The following MYO1F variants were observed in gnomAD, a reference collection of about 807,000 sequenced individuals.
MYO1F encodes myosin IF.
MYO1F carries 60 observed loss-of-function variants against 146.6 expected under a neutral mutation model. The ratio of observed to expected loss-of-function variants is 0.41; its 90% CI spans 0.33 to 0.51. The LOEUF (loss-of-function observed/expected upper bound fraction) is 0.51. Among genes scored for constraint, MYO1F ranks in the 20% least tolerant of loss-of-function variants. The pLI is 0.25. For missense variants in MYO1F, 1,274 were observed against 1,534.3 expected (o/e 0.83, Z 2.83); for synonymous variants, 602 against 602.1 (o/e 1.00, Z 0.00).
At chr19:8,558,667 G>C (rs185830859) in intron 1 of MYO1F, among the ~76,000 whole-genome samples, 116 of 152,208 alleles carry the variant, frequency 7.6e-4, no homozygotes, top group African/African-American at 2.6e-3. Flanking sequence ...AGATAGGAGT[G>C]ATGGCAACTT....
At chr19:8,551,567 G>A (rs1261506627) in intron 8 of MYO1F, 173 bp downstream of exon 8, 2 of 894,794 alleles carry the variant, frequency 2.2e-6, no homozygotes, top group African/African-American at 1.7e-5. Flanking sequence ...GGCCAGGCCG[G>A]TCTTAAACTC....
Position 8,521,199 on chromosome 19 carries a change from TG to T in MYO1F, c.*328del, listed in dbSNP as rs758259822. ...GGACCCCCCCCTCCCCAACTGTGCC[TG>T]GCACTTTGCCAACAGCACAGGACTC... On this transcript the variant is annotated 3_prime_UTR_variant, in exon 28 of 28. Transcript: ENST00000644032. The T allele has an allele frequency of 5.6e-5, 23 of 410,540 alleles. No homozygotes were observed. Among genetic ancestry groups the T allele is most frequent in the Non-Finnish European group, 9.7e-5 (21 of 217,004 alleles). 25.4% of individuals were successfully genotyped at this position (410,540 alleles called of 1,614,324 possible).
chr19:8,540,994 TTTTTTTCCCC>T (rs1972939070), intron 15 of MYO1F, among the ~76,000 whole-genome samples: 1 of 151,828 alleles, frequency 6.6e-6, no homozygotes, highest in Admixed American at 6.6e-5. Flanking sequence ...GGTTCTGCCT[TTTTTTTCCCC>T]TCAGAGATAA....
intron 19 of MYO1F, among the ~76,000 whole-genome samples, 183 bp downstream of exon 19, chr19:8,536,069 C>T (rs1357797225): frequency 6.6e-6 from 1 of 152,094 alleles, no homozygotes; most frequent in African/African-American, 2.4e-5. Flanking sequence ...CAATTTCTCT[C>T]TCAACCTCTA....
Position 8,522,763 on chromosome 19 carries a change from C to T in MYO1F, c.2921G>A (p.Gly974Glu), listed in dbSNP as rs1349342368. 1.2e-6 allele frequency: 2 copies of T among 1,609,904 alleles called. No homozygotes were observed. The highest frequency in any genetic ancestry group is 1.1e-5 in the South Asian group (1 of 90,614). ...GGPLPLEIMSGGGTHRPPRGP... is the reference protein window; with the variant it reads ...GGPLPLEIMSEGGTHRPPRGP... ...CCGGGGAGGCCTGTGGGTGCCCCCT[C>T]CAGACATGATCTCCAGGGGCAGGGG... The change falls in exon 26 of 28, where the codon GGA (glycine) becomes GAA (glutamate). Residue 974 changes from glycine (G) to glutamate (E), a missense_variant. Around this residue, in one of 2 missense-constraint regions of MYO1F, gnomAD observed 374 missense variants for 379.2 expected, o/e 0.99. Transcript: ENST00000644032.
chr19:8,554,357 CAG>C (rs1415440746), intron 4 of MYO1F, 118 bp downstream of exon 4: 10 of 831,678 alleles, frequency 1.2e-5, no homozygotes, highest in Non-Finnish European at 2.1e-5. Flanking sequence ...AGAGTGAGGG[CAG>C]AGAGGGACAG....
intron 1 of MYO1F, among the ~76,000 whole-genome samples, chr19:8,565,567 A>T (rs915200029): frequency 1.2e-4 from 19 of 152,040 alleles, no homozygotes; most frequent in Admixed American, 1.1e-3. Context: ...AATAAAAATT[A>T]AAAAATAAAT....
chr19:8,560,301 G>A lies in MYO1F; in HGVS notation c.4-4505C>T, dbSNP rs554883997. Among the ~76,000 whole-genome samples the A allele has an allele frequency of 5.9e-4, 90 of 151,836 alleles. 2 individuals carry two copies. The highest frequency in any genetic ancestry group is 5.7e-3 in the Admixed American group (86 of 15,192). ...AGATCGAGACCATCCTGGCTAACAT[G>A]GTGAAACCCCATCTCTACTAAAAAT... On this transcript the variant is annotated intron_variant, in intron 1 of 27. Coordinates refer to ENST00000644032, the MANE Select transcript of MYO1F (RefSeq NM_012335.4).
At position 8,522,732 on chromosome 19, in the gene MYO1F, A is replaced by C; in HGVS notation, c.2952T>G (p.Pro984=). Residue 984 remains proline, a synonymous_variant, in exon 26 of 28, where the codon CCT becomes CCG. Transcript: ENST00000644032. ...GGGTHRPPRG[P]PSTSLGASRR... is the part of the protein sequence containing the mutation. Reference sequence around the variant, plus strand: ...TGCTGGCTCCCAGGGATGTGGACGGAGGGCCCCGGGGAGGCCTGTGGGTGC... The same window carrying C: ...TGCTGGCTCCCAGGGATGTGGACGGCGGGCCCCGGGGAGGCCTGTGGGTGC... 6.2e-7 allele frequency: 1 copy of C among 1,613,112 alleles called. No homozygotes were observed. Among genetic ancestry groups the C allele is most frequent in the Non-Finnish European group, 8.5e-7 (1 of 1,179,850 alleles).
chr19:8,544,319 A>G lies in MYO1F; in HGVS notation c.1502T>C (p.Val501Ala). Residue 501 changes from valine to alanine, a missense_variant, in exon 14 of 28, where the codon GTC (valine) becomes GCC (alanine). Coordinates refer to ENST00000644032, the MANE Select transcript of MYO1F (RefSeq NM_012335.4). ...CACCTTGCCAGCGTAGTGGTGGATG[A>G]CGAAGCCGGCGCTCCAGCTGTTGAA... ...EHFNSWSAGF[V>A]IHHYAGKVSY... 6.2e-7 allele frequency: 1 copy of G among 1,613,022 alleles called. No individual in the cohort carries two copies. The highest frequency in any genetic ancestry group is 8.5e-7 in the Non-Finnish European group (1 of 1,179,836).
At chr19:8,574,173 C>T (rs2042160989) in intron 1 of MYO1F, among the ~76,000 whole-genome samples, 1 of 152,148 alleles carries the variant, frequency 6.6e-6, no homozygotes, top group Non-Finnish European at 1.5e-5. Context: ...CCAACCGCCA[C>T]CACCACCAGC....
In MYO1F at chr19:8,530,955, A is replaced by T. The variant is rs1177060860; in HGVS notation, c.2044-382T>A. ...GCTACTCGGGAGCCTGAGGCAGGAGAATCACTTGAACCCGGGAGGCGGAGG... is the reference window on the plus strand; with the variant it reads ...GCTACTCGGGAGCCTGAGGCAGGAGTATCACTTGAACCCGGGAGGCGGAGG... On this transcript the variant is annotated intron_variant, in intron 19 of 27. Transcript: ENST00000644032. The surrounding 1 kb of genome is among the most constrained non-coding windows in gnomAD (Gnocchi z 5.8). Among the ~76,000 whole-genome samples, 1 of 152,150 alleles carries T rather than the reference A, an allele frequency of 6.6e-6. No individual in the cohort carries two copies. The highest frequency in any genetic ancestry group is 6.6e-5 in the Admixed American group (1 of 15,246).
In MYO1F at chr19:8,521,583, C is replaced by G. The variant is rs1434702052; in HGVS notation, c.3242G>C (p.Gly1081Ala). Residue 1081 changes from glycine (G) to alanine (A), a missense_variant, in exon 28 of 28, where the codon GGC (glycine) becomes GCC (alanine). Physicochemically the swap from Gly to Ala is moderately conservative, Grantham distance 60 (BLOSUM62 0). Around this residue, in one of 2 missense-constraint regions of MYO1F, gnomAD observed 374 missense variants for 379.2 expected, o/e 0.99. Coordinates refer to ENST00000644032, the MANE Select transcript of MYO1F (RefSeq NM_012335.4). ...LMEDPSGWWK[G>A]RLHGQEGLFP... ...AAGGCCCTCCTGGCCGTGAAGCCGG[C>G]CCTTCCACCAGCCCGAGGGATCTGT... 6.2e-7 allele frequency: 1 copy of G among 1,614,142 alleles called. No homozygotes were observed. The highest frequency in any genetic ancestry group is 1.1e-5 in the South Asian group (1 of 91,086).
intron 1 of MYO1F, among the ~76,000 whole-genome samples, chr19:8,573,298 G>A (rs1433236994): frequency 2.0e-5 from 3 of 151,854 alleles, no homozygotes; most frequent in East Asian, 1.9e-4. Flanking sequence ...GTGACAGAGC[G>A]AGACTCTGTC....
intron 21 of MYO1F, 118 bp from the exon 22 acceptor site, chr19:8,527,601 C>G: frequency 7.8e-7 from 1 of 1,280,472 alleles, no homozygotes; most frequent in Non-Finnish European, 1.1e-6. Flanking sequence ...GGGAGCCCTC[C>G]AGGTGAAGGT....
chr19:8,556,813 GGA>G (rs1410039984), intron 1 of MYO1F, among the ~76,000 whole-genome samples: 1 of 151,008 alleles, frequency 6.6e-6, no homozygotes, highest in African/African-American at 2.4e-5. Flanking sequence ...CTTGAACCTG[GGA>G]GACAGAGGTT....
chr19:8,525,199 C>CAAA (rs60806727), intron 25 of MYO1F: 1,629 of 80,144 alleles, frequency 0.02, 56 homozygotes, highest in African/African-American at 0.036. Context: ...GACTCCATCT[C>CAAA]AAAAAAAAAA....
At position 8,554,534 on chromosome 19, in the gene MYO1F, G is replaced by A. The variant is rs771808687; in HGVS notation, c.269C>T (p.Thr90Met). ...YENPPHIYAL[T>M]DNMYRNMLID... The stretch of plus-strand genomic sequence containing the variant: ...AAGCATGTTCCGGTACATGTTGTCC[G>A]TGAGGGCGTAGATGTGCGGGGGATT... The change falls in exon 4 of 28, where the codon ACG (threonine) becomes ATG (methionine). Residue 90 changes from threonine (T) to methionine (M), a missense_variant. Around this residue, in one of 2 missense-constraint regions of MYO1F, gnomAD observed 900 missense variants for 1,155.1 expected, o/e 0.78. Transcript: ENST00000644032. 8.7e-6 allele frequency: 14 copies of A among 1,613,522 alleles called. No individual in the cohort carries two copies. The highest frequency in any genetic ancestry group is 2.2e-5 in the South Asian group (2 of 91,068).
chr19:8,559,667 C>T (rs113402443), intron 1 of MYO1F, among the ~76,000 whole-genome samples: 11 of 151,856 alleles, frequency 7.2e-5, no homozygotes, highest in Non-Finnish European at 1.3e-4. Flanking sequence ...AGAATTAACA[C>T]GACCGGGCGC....
Sources: allele counts gnomAD v4.1 joint callset (sites outside exome capture counted in the v4.1 genomes callset), GRCh38; gene constraint gnomAD v4.1.1; regional missense constraint gnomAD v4.1.1; non-coding constraint Gnocchi (gnomAD v3.1); transcripts MANE v1.5; gene names NCBI Gene and HGNC (gene_info 2026-07-23, HGNC 2026-07-21).